Variants in DTNB observed in about 807,000 individuals in gnomAD.
DTNB encodes the protein dystrobrevin beta.
Under a neutral mutation model 90.7 loss-of-function variants are expected in DTNB, and 63 were observed. That is an observed-to-expected ratio of 0.69 (90% CI 0.57 to 0.86). The LOEUF (loss-of-function observed/expected upper bound fraction) is 0.86, where lower values mean the gene tolerates loss of function less well. Among genes scored for constraint, DTNB ranks in the 40% least tolerant of loss-of-function variants. The probability of loss-of-function intolerance (pLI) is 0.00; values close to 1 mark genes in which losing one functional copy is unlikely to be tolerated. For missense variants in DTNB, 744 were observed against 807.1 expected, an observed-to-expected ratio of 0.92 and a Z score of 0.95; for synonymous variants, 277 against 286.7, an observed-to-expected ratio of 0.97 and a Z score of 0.34.
In DTNB at chr2:25,662,681, AAC is replaced by A. The variant is rs35136841; in HGVS notation, c.-1-10022_-1-10021del. 5.8e-3 allele frequency among the ~76,000 whole-genome samples: 602 copies of A among 104,500 alleles called. 4 individuals are homozygous for A. The highest frequency in any genetic ancestry group is 9.2e-3 in the Middle Eastern group (2 of 218). The allele number at this position is 104,500 out of a possible 152,430, so 68.6% of individuals were successfully genotyped here. A position where few individuals can be genotyped will look rare whatever the true frequency, so the allele number is the denominator to read the frequency against. ...ACACACACACACACACACACACACA[AAC>A]ACACACACACACACACACACACACA... On this transcript the variant is annotated intron_variant, in intron 1 of 20. Coordinates refer to ENST00000406818, the MANE Select transcript of DTNB (RefSeq NM_021907.5).
intron 8 of DTNB, among the ~76,000 whole-genome samples, chr2:25,532,983 T>C (rs2078547387): frequency 6.6e-6 from 1 of 152,178 alleles, no homozygotes. Flanking sequence ...AAACTTCGTA[T>C]ATTGGCTCCA....
At chr2:25,518,730 G>C (rs1321897673) in intron 9 of DTNB, among the ~76,000 whole-genome samples, 1 of 152,050 alleles carries the variant, frequency 6.6e-6, no homozygotes, top group Non-Finnish European at 1.5e-5. Context: ...TATAATTCCA[G>C]GGCTAGTAAG....
intron 8 of DTNB, among the ~76,000 whole-genome samples, chr2:25,551,162 T>A (rs371241169): frequency 6.6e-6 from 1 of 152,250 alleles, no homozygotes; most frequent in Non-Finnish European, 1.5e-5. Flanking sequence ...CAATTTGCTA[T>A]GTAGCCCATC....
chr2:25,587,163 TCATGCTAAGCAGCTTATCCA>T (rs1163253530), intron 6 of DTNB, among the ~76,000 whole-genome samples: 4 of 152,186 alleles, frequency 2.6e-5, no homozygotes, highest in African/African-American at 9.7e-5. Flanking sequence ...AGCCACAACG[TCATGCTAAGCAGCTTATCCA>T]GCAGGCAATG....
At chr2:25,572,722 C>T (rs2060069737) in intron 8 of DTNB, among the ~76,000 whole-genome samples, 1 of 151,598 alleles carries the variant, frequency 6.6e-6, no homozygotes, top group African/African-American at 2.4e-5. Context: ...TCAGTTCAGG[C>T]TCATAATTTC....
chr2:25,534,254 G>A (rs1007068665), intron 8 of DTNB, among the ~76,000 whole-genome samples: 1 of 152,132 alleles, frequency 6.6e-6, no homozygotes, highest in Non-Finnish European at 1.5e-5. Context: ...AGCACATCTT[G>A]CACCGCCCTT....
chr2:25,449,500 A>G (rs755945861), intron 12 of DTNB, among the ~76,000 whole-genome samples: 10 of 152,136 alleles, frequency 6.6e-5, no homozygotes, highest in South Asian at 6.2e-4. Context: ...GTATCATCCA[A>G]CTTTTTCATT....
chr2:25,535,526 A>G (rs1429033155), intron 8 of DTNB, among the ~76,000 whole-genome samples: 2 of 143,446 alleles, frequency 1.4e-5, no homozygotes, highest in East Asian at 2.2e-4. Flanking sequence ...TTCACTTCCC[A>G]GACGGGGCGG....
At chr2:25,513,366 A>C (rs2074334584) in intron 9 of DTNB, among the ~76,000 whole-genome samples, 1 of 152,254 alleles carries the variant, frequency 6.6e-6, no homozygotes, top group Non-Finnish European at 1.5e-5. Flanking sequence ...AAACAATCAT[A>C]ATGAACTAGA....
intron 7 of DTNB, among the ~76,000 whole-genome samples, chr2:25,579,347 A>G (rs942581541): frequency 6.6e-6 from 1 of 152,246 alleles, no homozygotes; most frequent in Non-Finnish European, 1.5e-5. Flanking sequence ...ATAGTTGGGT[A>G]AAAGGCTGAG....
At chr2:25,464,000 G>A (rs1053619899) in intron 10 of DTNB, among the ~76,000 whole-genome samples, 10 of 152,172 alleles carry the variant, frequency 6.6e-5, no homozygotes, top group African/African-American at 1.9e-4. Flanking sequence ...CTGCCTCCTC[G>A]GTTAAAACGA....
At position 25,647,071 on chromosome 2, in the gene DTNB, A is replaced by G. The variant is rs190450926; in HGVS notation, c.67+5523T>C. On this transcript the variant is annotated intron_variant, in intron 2 of 20. Coordinates refer to ENST00000406818, the MANE Select transcript of DTNB (RefSeq NM_021907.5). ...ATAAGAATTAAGAAATTTAAGTAAA[A>G]GAATGAAAAGATGCATACTGTACTA... Among the ~76,000 whole-genome samples the G allele has an allele frequency of 5.3e-5, 8 of 152,362 alleles. No individual in the cohort carries two copies. In the East Asian group the frequency reaches 1.5e-3, roughly 29 times the overall value.
intron 10 of DTNB, 76 bp downstream of exon 10, chr2:25,482,720 G>C: frequency 6.9e-7 from 1 of 1,451,596 alleles, no homozygotes. Flanking sequence ...TGCTTTTCAG[G>C]CCTCATTTCT....
At chr2:25,484,003 T>C (rs1211843559) in intron 9 of DTNB, among the ~76,000 whole-genome samples, 2 of 152,218 alleles carry the variant, frequency 1.3e-5, no homozygotes, top group Non-Finnish European at 2.9e-5. Context: ...GGTTTGTAGC[T>C]TGGAGGCTAC....
intron 8 of DTNB, among the ~76,000 whole-genome samples, chr2:25,560,835 G>C (rs1388926936): frequency 6.6e-6 from 1 of 152,170 alleles, no homozygotes; most frequent in Non-Finnish European, 1.5e-5. Context: ...TTTCAAACTT[G>C]TGTCCAGCAC....
intron 10 of DTNB, among the ~76,000 whole-genome samples, chr2:25,474,278 T>G (rs1302799071): frequency 6.7e-6 from 1 of 149,686 alleles, no homozygotes; most frequent in African/African-American, 2.4e-5. Flanking sequence ...TTTCAATTAC[T>G]CTGCTTTTCT....
chr2:25,533,773 T>G (rs2078743979), intron 8 of DTNB, among the ~76,000 whole-genome samples: 1 of 152,184 alleles, frequency 6.6e-6, no homozygotes, highest in African/African-American at 2.4e-5. Context: ...GTACATTTTT[T>G]TCTCATCTCT....
intron 1 of DTNB, among the ~76,000 whole-genome samples, chr2:25,654,294 C>A (rs1306464006): frequency 6.6e-6 from 1 of 152,192 alleles, no homozygotes; most frequent in South Asian, 2.1e-4. Flanking sequence ...TGGTTCTCAA[C>A]CAGGGACAAT....
chr2:25,652,772 T>A, intron 1 of DTNB, 111 bp from the exon 2 acceptor site: 2 of 1,014,212 alleles, frequency 2.0e-6, no homozygotes, highest in Non-Finnish European at 2.8e-6. Flanking sequence ...ATGCACATTT[T>A]AAGACAGTAT....
Sources: allele counts gnomAD v4.1 joint callset (sites outside exome capture counted in the v4.1 genomes callset), GRCh38; gene constraint gnomAD v4.1.1; transcripts MANE v1.5; gene names NCBI Gene and HGNC (gene_info 2026-07-23, HGNC 2026-07-21).